The following ISM1 variants were observed in gnomAD, a reference collection of about 807,000 sequenced individuals.
The protein encoded by ISM1 is isthmin-1.
A neutral mutation model predicts 46.3 loss-of-function variants in ISM1; 25 were observed. That is an observed-to-expected ratio of 0.54 (90% confidence interval 0.39 to 0.75). ISM1 has a LOEUF of 0.75. Ranked by LOEUF, ISM1 falls within the 30% of genes least tolerant of loss-of-function variation. The pLI, the probability that ISM1 is intolerant of heterozygous loss-of-function variation, is 0.00. For missense variants in ISM1, 536 were observed against 625.4 expected, an observed-to-expected ratio of 0.86 and a Z score of 1.52; for synonymous variants, 255 against 256.7, an observed-to-expected ratio of 0.99 and a Z score of 0.06.
intron 5 of ISM1, among the ~76,000 whole-genome samples, chr20:13,295,914 T>C (rs1215486834): frequency 6.6e-6 from 1 of 152,216 alleles, no homozygotes; most frequent in Non-Finnish European, 1.5e-5. Context: ...GGTTCCCTTG[T>C]AGGAGCTCTG....
At chr20:13,319,819 T>C in the ISM1 span, among the ~76,000 whole-genome samples, 1 of 152,152 alleles carries the variant, frequency 6.6e-6, no homozygotes, top group Non-Finnish European at 1.5e-5. Context: ...TGCAGCAGCA[T>C]CAGGGCACCT....
intron 1 of ISM1, among the ~76,000 whole-genome samples, chr20:13,259,952 C>A (rs1326051842): frequency 6.6e-6 from 1 of 152,208 alleles, no homozygotes; most frequent in Admixed American, 6.5e-5. Flanking sequence ...GTACCTGATA[C>A]ATAATAAATA....
chr20:13,270,757 C>A lies in ISM1; in HGVS notation c.378+14C>A, dbSNP rs1441897387. ...CCAAATATCCAGGTAATTCTTGGCA[C>A]CTGGAAGATGGGAGATAACAAAACA... On this transcript the variant is annotated intron_variant, in intron 2 of 5. Transcript: ENST00000262487. 1.2e-6 allele frequency: 2 copies of A among 1,611,040 alleles called. No individual in the cohort carries two copies. The highest frequency in any genetic ancestry group is 3.4e-5 in the Admixed American group (2 of 59,690).
chr20:13,272,016 C>T (rs1204374617), intron 2 of ISM1, among the ~76,000 whole-genome samples: 8 of 152,082 alleles, frequency 5.3e-5, no homozygotes, highest in African/African-American at 2.4e-5. Flanking sequence ...TGGGCTCAAG[C>T]GATCCCCCTG....
the ISM1 span, among the ~76,000 whole-genome samples, chr20:13,310,802 A>C: frequency 5.3e-5 from 8 of 152,228 alleles, no homozygotes; most frequent in Admixed American, 5.2e-4. Flanking sequence ...AGGCCAATGG[A>C]TATATGTAAA....
chr20:13,269,738 CTTCT>C (rs2040089062), intron 1 of ISM1, among the ~76,000 whole-genome samples: 1 of 152,150 alleles, frequency 6.6e-6, no homozygotes, highest in Admixed American at 6.5e-5. Context: ...TCTCCATCAT[CTTCT>C]TTCTTTTCTT....
chr20:13,233,266 T>C, intron 1 of ISM1, among the ~76,000 whole-genome samples: 1 of 152,048 alleles, frequency 6.6e-6, no homozygotes, highest in Non-Finnish European at 1.5e-5. Context: ...TTGCTGGGAA[T>C]CTTCAAATTT....
the ISM1 span, among the ~76,000 whole-genome samples, chr20:13,310,948 CT>C: frequency 6.6e-6 from 1 of 152,326 alleles, no homozygotes; most frequent in Non-Finnish European, 1.5e-5. Flanking sequence ...AATCCCAGCA[CT>C]TTGGGAGGCT....
chr20:13,253,649 A>G (rs2039891720), intron 1 of ISM1, among the ~76,000 whole-genome samples: 1 of 152,052 alleles, frequency 6.6e-6, no homozygotes. Context: ...TCCACAGGGG[A>G]TAGGACCCGA....
At chr20:13,235,104 A>G (rs1378665465) in intron 1 of ISM1, among the ~76,000 whole-genome samples, 5 of 152,324 alleles carry the variant, frequency 3.3e-5, no homozygotes, top group South Asian at 2.1e-4. Flanking sequence ...ACGGTCTGCA[A>G]TTATAAGCAT....
intron 1 of ISM1, among the ~76,000 whole-genome samples, chr20:13,235,381 G>A (rs550503038): frequency 1.3e-5 from 2 of 152,308 alleles, no homozygotes; most frequent in South Asian, 4.1e-4. Flanking sequence ...TTTGATTCCA[G>A]TTCTGCTCCT....
chr20:13,243,731 T>A (rs2039759756), intron 1 of ISM1, among the ~76,000 whole-genome samples: 1 of 152,198 alleles, frequency 6.6e-6, no homozygotes, highest in Admixed American at 6.5e-5. Context: ...GCTATATCCA[T>A]CACCGTTAAG....
At chr20:13,265,828 T>C (rs1466038929) in intron 1 of ISM1, among the ~76,000 whole-genome samples, 1 of 152,102 alleles carries the variant, frequency 6.6e-6, no homozygotes, top group African/African-American at 2.4e-5. Context: ...AACATTAAGA[T>C]TAATGATAAC....
chr20:13,270,851 T>G lies in ISM1; in HGVS notation c.378+108T>G, dbSNP rs533664186. 9.9e-6 allele frequency: 10 copies of G among 1,006,420 alleles called. No homozygotes were observed. In the African/African-American group the frequency reaches 1.3e-4, roughly 13 times the overall value. 62.3% of individuals were successfully genotyped at this position (1,006,420 alleles called of 1,614,324 possible). On this transcript the variant is annotated intron_variant, in intron 2 of 5. Transcript: ENST00000262487. ...TTACCTCACTTTTCTTCTTAACCCC[T>G]TAATGATTCCTGCTTAAGATCATGT...
chr20:13,303,445 G>A (rs2040475165), downstream of ISM1, among the ~76,000 whole-genome samples: 1 of 152,224 alleles, frequency 6.6e-6, no homozygotes, highest in Non-Finnish European at 1.5e-5. Flanking sequence ...ATCCATGGGT[G>A]AAAACAAAGA....
chr20:13,234,655 T>G (rs769573146), intron 1 of ISM1, among the ~76,000 whole-genome samples: 17 of 152,248 alleles, frequency 1.1e-4, no homozygotes, highest in Non-Finnish European at 2.4e-4. Context: ...TTCTGACTTG[T>G]GTAAAATGGT....
chr20:13,227,799 C>T (rs539039581), intron 1 of ISM1, among the ~76,000 whole-genome samples: 44 of 150,778 alleles, frequency 2.9e-4, no homozygotes, highest in East Asian at 1.2e-3. Context: ...TGAGCCACCG[C>T]GCCCGGCCCC....
At chr20:13,258,629 G>C (rs1484541425) in intron 1 of ISM1, among the ~76,000 whole-genome samples, 5 of 152,106 alleles carry the variant, frequency 3.3e-5, no homozygotes, top group African/African-American at 2.4e-5. Context: ...CTGAGAACTT[G>C]TGATTCTCTT....
chr20:13,227,147 T>C (rs946513727), intron 1 of ISM1, among the ~76,000 whole-genome samples: 6 of 152,198 alleles, frequency 3.9e-5, no homozygotes, highest in Admixed American at 2.6e-4. Flanking sequence ...TTTGTTTGGG[T>C]GTCTTTTCCA....
Sources: allele counts gnomAD v4.1 joint callset (sites outside exome capture counted in the v4.1 genomes callset), GRCh38; gene constraint gnomAD v4.1.1; transcripts MANE v1.5; gene names NCBI Gene and HGNC (gene_info 2026-07-23, HGNC 2026-07-21).